Variants in DUSP10 observed in about 807,000 individuals in gnomAD.
DUSP10 encodes dual specificity phosphatase 10, also known as dual specificity protein phosphatase 10.
DUSP10 carries 14 observed loss-of-function variants against 30.8 expected under a neutral mutation model. That is an observed-to-expected ratio of 0.46 (90% CI 0.30 to 0.71). The LOEUF (loss-of-function observed/expected upper bound fraction) is 0.71, where lower values mean the gene tolerates loss of function less well. Ranked by LOEUF, DUSP10 falls within the 30% of genes least tolerant of loss-of-function variation. The pLI, the probability that DUSP10 is intolerant of heterozygous loss-of-function variation, is 0.08. For synonymous variants in DUSP10, 254 were observed against 250.4 expected, an observed-to-expected ratio of 1.01 and a Z score of -0.14; for missense variants, 550 against 619.4, an observed-to-expected ratio of 0.89 and a Z score of 1.19.
chr1:221,724,124 T>G (rs1661354591), intron 2 of DUSP10, among the ~76,000 whole-genome samples: 1 of 152,206 alleles, frequency 6.6e-6, no homozygotes, highest in South Asian at 2.1e-4. Context: ...GCCAGACAAA[T>G]TCTCTATTAT....
chr1:221,711,111 C>T (rs187611405), intron 2 of DUSP10, among the ~76,000 whole-genome samples: 1 of 152,196 alleles, frequency 6.6e-6, no homozygotes, highest in Non-Finnish European at 1.5e-5. Flanking sequence ...TTCTAACACA[C>T]GGTCAGTTCA....
At chr1:221,718,586 T>G (rs1205009009) in intron 2 of DUSP10, among the ~76,000 whole-genome samples, 1 of 152,220 alleles carries the variant, frequency 6.6e-6, no homozygotes, top group African/African-American at 2.4e-5. Context: ...ATTAAGTCTC[T>G]AAAGAATGTC....
chr1:221,731,057 C>T (rs1485784407), intron 2 of DUSP10, among the ~76,000 whole-genome samples: 1 of 152,002 alleles, frequency 6.6e-6, no homozygotes, highest in Admixed American at 6.6e-5. Context: ...ATTTTCTCTT[C>T]CTATATTTTT....
At position 221,702,333 on chromosome 1, in the gene DUSP10, A is replaced by C; in HGVS notation, c.*79T>G. Reference sequence around the variant, plus strand: ...ACTCCCAACTACAAAAAAAAAAAGAAAGAAAAAAAACCAGAATCCATCCTC... The same window carrying C: ...ACTCCCAACTACAAAAAAAAAAAGACAGAAAAAAAACCAGAATCCATCCTC... On this transcript the variant is annotated 3_prime_UTR_variant, in exon 4 of 4. Coordinates refer to ENST00000366899, the MANE Select transcript of DUSP10 (RefSeq NM_007207.6). This position sits in a 1 kb window ranked among gnomAD's most constrained non-coding sequence, Gnocchi z 4.5. 1 of 1,514,404 alleles carries C rather than the reference A, an allele frequency of 6.6e-7. No individual in the cohort carries two copies. The highest frequency in any genetic ancestry group is 2.3e-5 in the East Asian group (1 of 44,102). The allele number at this position is 1,514,404 out of a possible 1,614,324, so 93.8% of individuals were successfully genotyped here.
In DUSP10 at chr1:221,739,128, T is replaced by C. The variant is rs1328136395; in HGVS notation, c.617A>G (p.Gln206Arg). 2 of 1,614,248 alleles carry C rather than the reference T, an allele frequency of 1.2e-6. No homozygotes were observed. Among genetic ancestry groups the C allele is most frequent in the Middle Eastern group, 1.6e-4 (1 of 6,062 alleles). Residue 206 changes from glutamine (Q) to arginine (R), a missense_variant, in exon 2 of 4, where the codon CAG becomes CGG. Transcript: ENST00000366899. The part of the protein sequence containing the change: ...CADKISRRRL[Q>R]QGKITVLDLI... Reference sequence around the variant, plus strand: ...GTCTAGGACAGTGATCTTGCCCTGCTGCAGTCTCCGCCGGCTGATCTTATC... The same window carrying C: ...GTCTAGGACAGTGATCTTGCCCTGCCGCAGTCTCCGCCGGCTGATCTTATC...
chr1:221,738,821 G>C, intron 2 of DUSP10, 113 bp downstream of exon 2: 1 of 1,321,096 alleles, frequency 7.6e-7, no homozygotes, highest in Non-Finnish European at 1.0e-6. Context: ...GAAGAATAAA[G>C]TCTATTTTGG....
At chr1:221,714,978 G>A (rs762487540) in intron 2 of DUSP10, among the ~76,000 whole-genome samples, 10 of 151,990 alleles carry the variant, frequency 6.6e-5, no homozygotes, top group Admixed American at 1.3e-4. Context: ...AGTCACTTTC[G>A]CTACTTCCTA....
chr1:221,723,661 T>C (rs1222323482), intron 2 of DUSP10, among the ~76,000 whole-genome samples: 6 of 152,194 alleles, frequency 3.9e-5, no homozygotes, highest in Admixed American at 3.3e-4. Context: ...TAGTTTTTAT[T>C]ATAAAAGCTA....
chr1:221,740,979 G>A (rs1247338433), intron 1 of DUSP10, among the ~76,000 whole-genome samples: 3 of 152,240 alleles, frequency 2.0e-5, no homozygotes, highest in South Asian at 2.1e-4. Flanking sequence ...CGAACTTTAA[G>A]AGCTATCAGG....
chr1:221,741,558 T>C (rs993889524), intron 1 of DUSP10, among the ~76,000 whole-genome samples: 2 of 152,056 alleles, frequency 1.3e-5, no homozygotes, highest in Non-Finnish European at 2.9e-5. Flanking sequence ...CTTCCACCAC[T>C]AGGCAAGAGC....
chr1:221,712,075 C>A (rs1038705118), intron 2 of DUSP10, among the ~76,000 whole-genome samples: 4 of 152,150 alleles, frequency 2.6e-5, no homozygotes, highest in African/African-American at 9.7e-5. Context: ...ATTATTTCTA[C>A]TTCTTGTTTT....
At chr1:221,712,777 CA>C (rs58249338) in intron 2 of DUSP10, among the ~76,000 whole-genome samples, 867 of 56,880 alleles carry the variant, frequency 0.015, 11 homozygotes, top group African/African-American at 0.061. Context: ...TATAAAGCAG[CA>C]AAAAAAAAAA....
intron 2 of DUSP10, among the ~76,000 whole-genome samples, chr1:221,730,539 G>A (rs1661558661): frequency 1.3e-5 from 2 of 152,188 alleles, no homozygotes; most frequent in Admixed American, 6.5e-5. Flanking sequence ...AGGGTTGGGG[G>A]CGGTGGCCTG....
chr1:221,709,981 A>G (rs953969218), intron 2 of DUSP10, among the ~76,000 whole-genome samples: 2 of 152,196 alleles, frequency 1.3e-5, no homozygotes, highest in African/African-American at 4.8e-5. Flanking sequence ...AGCAAAGGTC[A>G]GAGACAAACC....
At chr1:221,710,937 G>A (rs931354016) in intron 2 of DUSP10, among the ~76,000 whole-genome samples, 1 of 152,152 alleles carries the variant, frequency 6.6e-6, no homozygotes, top group Admixed American at 6.5e-5. Flanking sequence ...GGGGTAGGGT[G>A]AGGCAAGGCG....
intron 2 of DUSP10, chr1:221,736,862 T>G: frequency 1.0e-6 from 1 of 985,408 alleles, no homozygotes; most frequent in Non-Finnish European, 1.2e-6. Context: ...CAGAGCATCT[T>G]CCAAGTCGAC....
chr1:221,716,148 A>G (rs893030989), intron 2 of DUSP10, among the ~76,000 whole-genome samples: 2 of 152,196 alleles, frequency 1.3e-5, no homozygotes, highest in African/African-American at 4.8e-5. Context: ...TACCTGGAAT[A>G]CATTTTGATG....
At chr1:221,726,988 C>T (rs2102641563) in intron 2 of DUSP10, among the ~76,000 whole-genome samples, 1 of 152,212 alleles carries the variant, frequency 6.6e-6, no homozygotes, top group Admixed American at 6.5e-5. Context: ...AGCACTTCTA[C>T]ATATGTTATC....
Position 221,715,949 on chromosome 1 carries a change from C to G in DUSP10, c.812-9483G>C, listed in dbSNP as rs114621887. Among the ~76,000 whole-genome samples the G allele has an allele frequency of 8.0e-3, 1,210 of 151,456 alleles. 11 individuals are homozygous for G. The highest frequency in any genetic ancestry group is 0.028 in the African/African-American group (1,143 of 41,204). On this transcript the variant is annotated intron_variant, in intron 2 of 3. Transcript: ENST00000366899. ...CCCCCTTCTCCACTCTTCTCTCCCT[C>G]ACCTCTCCTCCCCAACTCTTGCTCC...
Sources: allele counts gnomAD v4.1 joint callset (sites outside exome capture counted in the v4.1 genomes callset), GRCh38; gene constraint gnomAD v4.1.1; non-coding constraint Gnocchi (gnomAD v3.1); transcripts MANE v1.5; gene names NCBI Gene and HGNC (gene_info 2026-07-23, HGNC 2026-07-21).